The following LONRF2 variants were observed in gnomAD, a reference collection of about 807,000 sequenced individuals.
The protein encoded by LONRF2 is LON peptidase N-terminal domain and ring finger 2, also known as LON peptidase N-terminal domain and RING finger protein 2.
LONRF2 carries 35 observed loss-of-function variants against 66.6 expected under a neutral mutation model. The ratio of observed to expected loss-of-function variants is 0.53; its 90% confidence interval spans 0.40 to 0.70. The LOEUF is 0.70. Ranked by LOEUF, LONRF2 falls within the 30% of genes least tolerant of loss-of-function variation. The pLI is 0.00. For missense variants in LONRF2, 902 were observed against 1,002.1 expected (o/e 0.90, Z 1.35); for synonymous variants, 417 against 418.1 (o/e 1.00, Z 0.03).
Position 100,299,217 on chromosome 2 carries a change from C to A in LONRF2, c.1361+9G>T. The A allele has an allele frequency of 6.4e-7, 1 of 1,553,444 alleles. No individual in the cohort carries two copies. The highest frequency in any genetic ancestry group is 8.7e-7 in the Non-Finnish European group (1 of 1,148,148). On this transcript the variant is annotated intron_variant, in intron 6 of 11. Transcript: ENST00000393437. The stretch of plus-strand genomic sequence containing the variant: ...TTAAAAGAGTTGCACGGATTCTGTA[C>A]CATCCTACCTCATGCAGAGGGCACA...
In LONRF2 at chr2:100,315,665, T is replaced by C. The variant is rs937738640; in HGVS notation, c.679+5750A>G. The stretch of plus-strand genomic sequence containing the variant: ...AGATGGTGAATTACATTGCTTGATT[T>C]TCCAGGATTAAACAAAACTTAACCT... On this transcript the variant is annotated intron_variant, in intron 1 of 11. Coordinates refer to ENST00000393437, the MANE Select transcript of LONRF2 (RefSeq NM_198461.4). Among the ~76,000 whole-genome samples the C allele has an allele frequency of 2.6e-5, 4 of 152,236 alleles. 1 individual carries two copies. In the East Asian group the frequency reaches 7.7e-4, roughly 29 times the overall value.
Position 100,322,083 on chromosome 2 carries a change from T to C in LONRF2, c.11A>G (p.Glu4Gly). The C allele has an allele frequency of 7.8e-7, 1 of 1,277,508 alleles. No homozygotes were observed. The highest frequency in any genetic ancestry group is 9.9e-7 in the Non-Finnish European group (1 of 1,013,976). The allele number at this position is 1,277,508 out of a possible 1,614,324, so 79.1% of individuals were successfully genotyped here. A position where few individuals can be genotyped will look rare whatever the true frequency, so the allele number is the denominator to read the frequency against. ...GGGCGGCGGCGGCGGCGGGACCGGC[T>C]CGGGGCTCATCACCGCGGGGCTGCG... The part of the protein sequence containing the change: MSP[E>G]PVPPPPPPQC... Residue 4 changes from glutamate (E) to glycine (G), a missense_variant, in exon 1 of 12, where the codon GAG becomes GGG. This residue lies in a region of LONRF2 where 585 missense variants were observed against 569.9 expected (regional missense o/e 1.03). Coordinates refer to ENST00000393437, the MANE Select transcript of LONRF2 (RefSeq NM_198461.4).
Position 100,274,065 on chromosome 2 carries a change from G to A in LONRF2, c.*10233C>T, listed in dbSNP as rs1042645677. On this transcript the variant is annotated 3_prime_UTR_variant, in exon 12 of 12. Transcript: ENST00000393437. The stretch of plus-strand genomic sequence containing the variant: ...AGGCCCCAATGCAATTTTTGAAAAT[G>A]ATCCCTGAAAAGCAAAAGGTTAGAG... 2 of 152,152 alleles carry A rather than the reference G, an allele frequency of 1.3e-5. No homozygotes were observed. The highest frequency in any genetic ancestry group is 2.9e-5 in the Non-Finnish European group (2 of 68,014). 9.4% of individuals were successfully genotyped at this position (152,152 alleles called of 1,614,324 possible). A position where few individuals can be genotyped will look rare whatever the true frequency, so the allele number is the denominator to read the frequency against.
At chr2:100,298,713 TTTGA>T (rs1198414990) in intron 7 of LONRF2, 119 bp downstream of exon 7, 3 of 688,298 alleles carry the variant, frequency 4.4e-6, no homozygotes, top group Non-Finnish European at 7.8e-6. Flanking sequence ...AAGACCTATC[TTTGA>T]TTGGAGAAAT....
At position 100,278,919 on chromosome 2, in the gene LONRF2, T is replaced by A. The variant is rs1196847659; in HGVS notation, c.*5379A>T. 6.6e-6 allele frequency: 1 copy of A among 152,204 alleles called. No individual in the cohort carries two copies. The highest frequency in any genetic ancestry group is 1.5e-5 in the Non-Finnish European group (1 of 68,062). 9.4% of individuals were successfully genotyped at this position (152,204 alleles called of 1,614,324 possible). On this transcript the variant is annotated 3_prime_UTR_variant, in exon 12 of 12. Transcript: ENST00000393437. Reference sequence around the variant, plus strand: ...TACATGCCCTGCTTCTGCCGAAACATGGCCCCCTACACTCCCATGTCTAAA... The same window carrying A: ...TACATGCCCTGCTTCTGCCGAAACAAGGCCCCCTACACTCCCATGTCTAAA...
chr2:100,298,581 T>C (rs1209553514), intron 7 of LONRF2, among the ~76,000 whole-genome samples: 1 of 152,266 alleles, frequency 6.6e-6, no homozygotes, highest in Non-Finnish European at 1.5e-5. Flanking sequence ...GTAGGGTTCA[T>C]AATGTTAGCT....
In LONRF2 at chr2:100,273,309, T is replaced by G. The variant is rs1437674794; in HGVS notation, c.*10989A>C. The G allele has an allele frequency of 6.6e-6, 1 of 152,212 alleles. No homozygotes were observed. Among genetic ancestry groups the G allele is most frequent in the Non-Finnish European group, 1.5e-5 (1 of 68,046 alleles). 9.4% of individuals were successfully genotyped at this position (152,212 alleles called of 1,614,324 possible). ...AGAAATGTGAGCGAAGAAAACTGAT[T>G]TATTGTGAAAAGCCGTCAGTCTGTG... is the stretch of plus-strand genomic sequence containing the variant. On this transcript the variant is annotated 3_prime_UTR_variant, in exon 12 of 12. Transcript: ENST00000393437.
At chr2:100,290,177 A>C in intron 10 of LONRF2, 81 bp downstream of exon 10, 1 of 1,326,396 alleles carries the variant, frequency 7.5e-7, no homozygotes, top group Non-Finnish European at 1.0e-6. Flanking sequence ...TGTCAGTACA[A>C]GTTTGACAAA....
At position 100,278,676 on chromosome 2, in the gene LONRF2, C is replaced by A. The variant is rs1255367257; in HGVS notation, c.*5622G>T. On this transcript the variant is annotated 3_prime_UTR_variant, in exon 12 of 12. Transcript: ENST00000393437. Reference sequence around the variant, plus strand: ...TGGGGGTCCGCTTAGAAAGGAGACCCCACGTCTCACATCCCAGAAGACATT... The same window carrying A: ...TGGGGGTCCGCTTAGAAAGGAGACCACACGTCTCACATCCCAGAAGACATT... The A allele has an allele frequency of 6.6e-6, 1 of 152,254 alleles. No homozygotes were observed. 9.4% of individuals were successfully genotyped at this position (152,254 alleles called of 1,614,324 possible).
Position 100,284,527 on chromosome 2 carries a change from C to T in LONRF2, c.2071-35G>A, listed in dbSNP as rs1490581292. On this transcript the variant is annotated intron_variant, in intron 11 of 11. Coordinates refer to ENST00000393437, the MANE Select transcript of LONRF2 (RefSeq NM_198461.4). ...AGATGAGGGGAAAGCAAGGTTAACA[C>T]TGGAAATGCAAGCCTGTTCCCCAAC... The T allele has an allele frequency of 9.5e-6, 14 of 1,481,002 alleles. No individual in the cohort carries two copies. The African/African-American group carries it at 1.3e-4, about 13-fold the overall frequency. The allele number at this position is 1,481,002 out of a possible 1,614,324, so 91.7% of individuals were successfully genotyped here.
intron 11 of LONRF2, among the ~76,000 whole-genome samples, 158 bp downstream of exon 11, chr2:100,286,756 A>G (rs367914270): frequency 3.3e-5 from 5 of 152,234 alleles, no homozygotes; most frequent in African/African-American, 1.2e-4. Context: ...ATGTGCTACC[A>G]CAGTAGGTGC....
At chr2:100,295,119 G>A (rs1334733956) in intron 8 of LONRF2, among the ~76,000 whole-genome samples, 1 of 151,852 alleles carries the variant, frequency 6.6e-6, no homozygotes, top group Non-Finnish European at 1.5e-5. Flanking sequence ...CAAAATGCTA[G>A]GATTACAGGC....
Position 100,273,358 on chromosome 2 carries a change from G to A in LONRF2, c.*10940C>T, listed in dbSNP as rs1051528151. ...TGGTGATGTGTTAGTACATCCCTAC[G>A]ACACAAACACAAAGGCCTAGGCACT... On this transcript the variant is annotated 3_prime_UTR_variant, in exon 12 of 12. Transcript: ENST00000393437. 6.6e-6 allele frequency: 1 copy of A among 152,216 alleles called. No homozygotes were observed. The highest frequency in any genetic ancestry group is 2.4e-5 in the African/African-American group (1 of 41,446). The allele number at this position is 152,216 out of a possible 1,614,324, so 9.4% of individuals were successfully genotyped here.
chr2:100,317,357 G>A (rs998287183), intron 1 of LONRF2, among the ~76,000 whole-genome samples: 6 of 151,958 alleles, frequency 3.9e-5, no homozygotes, highest in African/African-American at 1.4e-4. Context: ...TGATTTAGCA[G>A]TCTACTTTAA....
rs76665702 is a variant in LONRF2, at chr2:100,318,073, C to A, written c.679+3342G>T. Among the ~76,000 whole-genome samples, 1,320 of 152,292 alleles carry A rather than the reference C, an allele frequency of 8.7e-3. 111 individuals carry two copies. The East Asian group carries it at 0.2, about 23-fold the overall frequency. ...TATTTCTCTTGCCCTTCCCCTCTCT[C>A]TTCTTCCAGGATTCCAATTTCATCG... On this transcript the variant is annotated intron_variant, in intron 1 of 11. Transcript: ENST00000393437.
chr2:100,300,010 G>T, intron 4 of LONRF2, 92 bp from the exon 5 acceptor site: 5 of 361,146 alleles, frequency 1.4e-5, no homozygotes, highest in East Asian at 1.4e-4. Context: ...GAAATCTTTG[G>T]AAAAAAAAAG....
In LONRF2 at chr2:100,321,547, G is replaced by A. The variant is rs1675626737; in HGVS notation, c.547C>T (p.Leu183=). 1 of 1,547,508 alleles carries A rather than the reference G, an allele frequency of 6.5e-7. No individual in the cohort carries two copies. The highest frequency in any genetic ancestry group is 8.6e-7 in the Non-Finnish European group (1 of 1,158,936). ...RPQVRRVNVV[L]SGLLEKCFPA... The stretch of plus-strand genomic sequence containing the variant: ...AAGCACTTCTCCAGCAGGCCGCTCA[G>A]CACCACGTTCACGCGCCGCACCTGC... Residue 183 remains leucine (L), a synonymous_variant, in exon 1 of 12, where the codon CTG becomes TTG. Coordinates refer to ENST00000393437, the MANE Select transcript of LONRF2 (RefSeq NM_198461.4).
intron 10 of LONRF2, among the ~76,000 whole-genome samples, chr2:100,288,186 T>C (rs569713502): frequency 1.3e-5 from 2 of 152,196 alleles, no homozygotes; most frequent in African/African-American, 4.8e-5. Context: ...ATTATCACTT[T>C]CAGCTGTAGC....
chr2:100,297,012 A>C (rs746733369), intron 7 of LONRF2, among the ~76,000 whole-genome samples: 3 of 152,200 alleles, frequency 2.0e-5, no homozygotes, highest in Admixed American at 2.0e-4. Context: ...GTTTGCATGT[A>C]ATCATTCATT....
Sources: gnomAD v4.1 joint callset for allele counts (sites outside exome capture counted in the v4.1 genomes callset) on GRCh38, gnomAD v4.1.1 for gene constraint, gnomAD v4.1.1 regional missense constraint, MANE v1.5 for transcripts, NCBI Gene and HGNC (gene_info 2026-07-23, HGNC 2026-07-21) for gene names.